SSBP2: variants seen among roughly 807,000 people sequenced by gnomAD.
SSBP2 encodes single-stranded DNA-binding protein 2.
A neutral mutation model predicts 61.8 loss-of-function variants in SSBP2; 17 were observed. The ratio of observed to expected loss-of-function variants is 0.28; its 90% CI spans 0.19 to 0.41. The LOEUF (loss-of-function observed/expected upper bound fraction) is 0.41, where lower values mean the gene tolerates loss of function less well. SSBP2 is among the 10% of genes least tolerant of loss of function. The pLI, the probability that SSBP2 is intolerant of heterozygous loss-of-function variation, is 1.00. For synonymous variants in SSBP2, 139 were observed against 141.3 expected (o/e 0.98, Z 0.12); for missense variants, 310 against 458.7 (o/e 0.68, Z 2.96).
intron 1 of SSBP2, among the ~76,000 whole-genome samples, chr5:81,743,156 A>G (rs1027447847): frequency 2.6e-5 from 4 of 152,194 alleles, no homozygotes; most frequent in African/African-American, 9.6e-5. Context: ...GATCAGATAA[A>G]CTGAACCCAA....
chr5:81,710,186 C>T (rs553984438), intron 1 of SSBP2, among the ~76,000 whole-genome samples: 56 of 152,118 alleles, frequency 3.7e-4, no homozygotes, highest in South Asian at 8.3e-4. Flanking sequence ...ACAATGGTAA[C>T]CATGGTCCAA....
In SSBP2 at chr5:81,712,737, T is replaced by TG. The variant is rs545967741; in HGVS notation, c.62+38243_62+38244insC. Reference sequence around the variant, plus strand: ...TTTTGTTTGTTTCTTTGTTTTTTTTTTTTTGTTTTTTTTGACACAGGGTCT... The same window carrying TG: ...TTTTGTTTGTTTCTTTGTTTTTTTTTGTTTTGTTTTTTTTGACACAGGGTCT... On this transcript the variant is annotated intron_variant, in intron 1 of 16. Coordinates refer to ENST00000320672, the MANE Select transcript of SSBP2 (RefSeq NM_012446.5). Among the ~76,000 whole-genome samples the TG allele has an allele frequency of 3.6e-3, 546 of 149,776 alleles. 5 individuals are homozygous for TG. The highest frequency in any genetic ancestry group is 0.012 in the African/African-American group (496 of 40,308).
intron 1 of SSBP2, among the ~76,000 whole-genome samples, chr5:81,747,200 A>C (rs1243558920): frequency 1.3e-5 from 2 of 152,182 alleles, no homozygotes; most frequent in African/African-American, 4.8e-5. Context: ...TGATTATGTA[A>C]TGCTGTTCCC....
In SSBP2 at chr5:81,574,779, T is replaced by C. The variant is rs1037073165; in HGVS notation, c.282+40694A>G. ...CAGCAAAAGCCGGAACACACAGGAA[T>C]GATATCTTCAAGACACTGAAAAAAA... is the stretch of plus-strand genomic sequence containing the variant. On this transcript the variant is annotated intron_variant, in intron 4 of 16. Transcript: ENST00000320672. Among the ~76,000 whole-genome samples, 4 of 152,144 alleles carry C rather than the reference T, an allele frequency of 2.6e-5. No homozygotes were observed. In the East Asian group the frequency reaches 7.7e-4, roughly 29 times the overall value.
chr5:81,516,775 T>C (rs1460520208), intron 4 of SSBP2, among the ~76,000 whole-genome samples: 1 of 151,792 alleles, frequency 6.6e-6, no homozygotes, highest in Non-Finnish European at 1.5e-5. Context: ...TAATGCAAGC[T>C]TTGAAACTGT....
chr5:81,571,692 C>CT (rs1431035856), intron 4 of SSBP2, among the ~76,000 whole-genome samples: 1 of 152,042 alleles, frequency 6.6e-6, no homozygotes, highest in Non-Finnish European at 1.5e-5. Flanking sequence ...ATTCGCTTAC[C>CT]TTTTTAATTC....
At position 81,488,030 on chromosome 5, in the gene SSBP2, T is replaced by TAAA. The variant is rs1561459104; in HGVS notation, c.432+1219_432+1220insTTT. ...CAAATAATATATATATATATATATATATATATATATATATATATATATATA... is the reference window on the plus strand; with the variant it reads ...CAAATAATATATATATATATATATATAAAATATATATATATATATATATATATA... On this transcript the variant is annotated intron_variant, in intron 6 of 16. Coordinates refer to ENST00000320672, the MANE Select transcript of SSBP2 (RefSeq NM_012446.5). Among the ~76,000 whole-genome samples the TAAA allele has an allele frequency of 1.1e-4, 2 of 17,642 alleles. 1 individual carries two copies. Among genetic ancestry groups the TAAA allele is most frequent in the Non-Finnish European group, 2.3e-4 (2 of 8,670 alleles). The allele number at this position is 17,642 out of a possible 152,430, so 11.6% of individuals were successfully genotyped here.
intron 4 of SSBP2, among the ~76,000 whole-genome samples, chr5:81,562,662 T>A (rs944854704): frequency 1.3e-5 from 2 of 152,180 alleles, no homozygotes; most frequent in African/African-American, 4.8e-5. Flanking sequence ...ATTATCTACA[T>A]ATAAACTCCA....
intron 5 of SSBP2, among the ~76,000 whole-genome samples, chr5:81,507,669 T>G (rs1051317303): frequency 6.6e-6 from 1 of 152,108 alleles, no homozygotes; most frequent in African/African-American, 2.4e-5. Context: ...TCTTAAAAGC[T>G]TTCTTGTGGT....
At position 81,424,178 on chromosome 5, in the gene SSBP2, C is replaced by T. The variant is rs146402290; in HGVS notation, c.1057-3645G>A. On this transcript the variant is annotated intron_variant, in intron 16 of 16. Transcript: ENST00000320672. ...TGGTGGGTCACGCCTGTAATCTCAG[C>T]ACTTTGGGAGGCCGAGGTGGGTGGA... Among the ~76,000 whole-genome samples the T allele has an allele frequency of 3.3e-3, 508 of 152,228 alleles. 2 individuals are homozygous for T. The highest frequency in any genetic ancestry group is 0.012 in the African/African-American group (478 of 41,542).
chr5:81,540,225 C>T (rs11747523), intron 4 of SSBP2, among the ~76,000 whole-genome samples: 34,321 of 152,098 alleles, frequency 0.23, 4,964 homozygotes, highest in Middle Eastern at 0.37. Flanking sequence ...ATCTTTATAG[C>T]AGCATGATTT....
chr5:81,508,262 A>T (rs139026675), intron 5 of SSBP2, among the ~76,000 whole-genome samples: 1 of 152,086 alleles, frequency 6.6e-6, no homozygotes, highest in Admixed American at 6.6e-5. Flanking sequence ...CTGGATCCCA[A>T]GCAGCAAGAC....
chr5:81,709,040 G>C (rs1263570350), intron 1 of SSBP2, among the ~76,000 whole-genome samples: 2 of 151,974 alleles, frequency 1.3e-5, no homozygotes, highest in African/African-American at 4.8e-5. Flanking sequence ...GGCTACACAG[G>C]AGTATAAAAG....
chr5:81,501,210 CAAATATATATAT>C (rs2154069832), intron 5 of SSBP2, among the ~76,000 whole-genome samples: 1 of 56,606 alleles, frequency 1.8e-5, no homozygotes, highest in East Asian at 6.4e-4. Context: ...GACTCCATCT[CAAATATATATAT>C]ATATATATAT....
At chr5:81,564,594 T>C (rs979490012) in intron 4 of SSBP2, among the ~76,000 whole-genome samples, 6 of 152,212 alleles carry the variant, frequency 3.9e-5, no homozygotes, top group African/African-American at 1.2e-4. Context: ...GCAGCCTACC[T>C]ATCAGATTAT....
intron 4 of SSBP2, among the ~76,000 whole-genome samples, chr5:81,529,084 T>C (rs1476620100): frequency 2.6e-5 from 4 of 152,068 alleles, no homozygotes; most frequent in Non-Finnish European, 4.4e-5. Context: ...AAGTTGAGTG[T>C]AGTGGAATGT....
Position 81,450,656 on chromosome 5 carries a change from C to T in SSBP2, c.688-1831G>A, listed in dbSNP as rs1763710471. On this transcript the variant is annotated intron_variant, in intron 10 of 16. Transcript: ENST00000320672. ...CCTCATGACACTTACAAAAATTACT[C>T]TATATTCCAACCAGGGTTTTCTTGC... Among the ~76,000 whole-genome samples the T allele has an allele frequency of 2.0e-5, 3 of 152,146 alleles. No individual in the cohort carries two copies. The South Asian group carries it at 6.2e-4, about 32-fold the overall frequency.
intron 4 of SSBP2, among the ~76,000 whole-genome samples, chr5:81,572,316 T>G (rs1322748814): frequency 6.6e-6 from 1 of 152,186 alleles, no homozygotes; most frequent in Non-Finnish European, 1.5e-5. Flanking sequence ...CTAATGACAG[T>G]ATTCCTCTGT....
chr5:81,615,168 T>TA (rs953293247), intron 4 of SSBP2: 11 of 200,982 alleles, frequency 5.5e-5, no homozygotes, highest in Non-Finnish European at 9.0e-5. Flanking sequence ...TTTTGTAGAA[T>TA]AAAAAAATTA....
Sources: gnomAD v4.1 joint callset for allele counts (sites outside exome capture counted in the v4.1 genomes callset) on GRCh38, gnomAD v4.1.1 for gene constraint, MANE v1.5 for transcripts, NCBI Gene and HGNC (gene_info 2026-07-23, HGNC 2026-07-21) for gene names.